SOX6: variants seen among roughly 807,000 people sequenced by gnomAD.
SOX6 encodes transcription factor SOX-6.
Under a neutral mutation model 97.8 loss-of-function variants are expected in SOX6, and 11 were observed. The ratio of observed to expected loss-of-function variants is 0.11; its 90% CI spans 0.07 to 0.19. The LOEUF (loss-of-function observed/expected upper bound fraction) is 0.19. Ranked by LOEUF, SOX6 falls within the 10% of genes least tolerant of loss-of-function variation. The pLI, the probability that SOX6 is intolerant of heterozygous loss-of-function variation, is 1.00. For synonymous variants in SOX6, 360 were observed against 371.4 expected, an observed-to-expected ratio of 0.97 and a Z score of 0.35; for missense variants, 810 against 1,039.5, an observed-to-expected ratio of 0.78 and a Z score of 3.04.
At chr11:16,606,048 G>A (rs1383707720) in intron 4 of SOX6, 1 of 151,720 alleles carries the variant, frequency 6.6e-6, no homozygotes, top group Non-Finnish European at 1.5e-5. Context: ...TTCTTTTAAG[G>A]TCGATTTACA....
intron 9 of SOX6, among the ~76,000 whole-genome samples, chr11:16,069,894 C>T (rs1009336782): frequency 6.6e-6 from 1 of 152,152 alleles, no homozygotes; most frequent in African/African-American, 2.4e-5. Flanking sequence ...CGGTGGCTCA[C>T]GCCTGTAATC....
intron 4 of SOX6, among the ~76,000 whole-genome samples, chr11:16,541,267 A>C (rs1041023709): frequency 6.6e-6 from 1 of 152,228 alleles, no homozygotes; most frequent in Non-Finnish European, 1.5e-5. Context: ...CTGGCTAGCT[A>C]TATGTAGAAA....
In SOX6 at chr11:16,273,848, A is replaced by G. The variant is rs563536252; in HGVS notation, c.446-39177T>C. 2.8e-4 allele frequency among the ~76,000 whole-genome samples: 42 copies of G among 152,174 alleles called. No homozygotes were observed. The South Asian group carries it at 8.3e-3, about 30-fold the overall frequency. ...CTGCCAACTAAAAGAAAAAGTGAAA[A>G]AAAGTCAGAAAAAGAGAAGCTGTGG... On this transcript the variant is annotated intron_variant, in intron 3 of 15. Coordinates refer to ENST00000683767, the MANE Select transcript of SOX6 (RefSeq NM_001367873.1).
chr11:16,518,836 T>C (rs911549386), intron 4 of SOX6, among the ~76,000 whole-genome samples: 2 of 152,212 alleles, frequency 1.3e-5, no homozygotes, highest in Non-Finnish European at 2.9e-5. Context: ...AATACAACAG[T>C]GATTTGTTCA....
At chr11:16,015,286 G>GC in intron 12 of SOX6, 1 of 553,778 alleles carries the variant, frequency 1.8e-6, no homozygotes, top group East Asian at 3.2e-5. Flanking sequence ...CAGGGAACCT[G>GC]CCAGAGCTTC....
intron 6 of SOX6, among the ~76,000 whole-genome samples, chr11:16,129,161 C>T (rs920743513): frequency 2.0e-5 from 3 of 151,864 alleles, no homozygotes; most frequent in African/African-American, 7.3e-5. Flanking sequence ...AGCCACCCCA[C>T]CTGTCCATCT....
At chr11:16,089,880 T>C (rs1019021807) in intron 9 of SOX6, among the ~76,000 whole-genome samples, 2 of 152,150 alleles carry the variant, frequency 1.3e-5, no homozygotes, top group African/African-American at 2.4e-5. Context: ...ACTTATTCCA[T>C]GGTTGGAAAC....
chr11:16,164,174 G>T (rs889067232), intron 6 of SOX6, among the ~76,000 whole-genome samples: 5 of 152,008 alleles, frequency 3.3e-5, no homozygotes, highest in Non-Finnish European at 7.4e-5. Context: ...TCACTATGTT[G>T]CCCAGGCTGG....
intron 4 of SOX6, among the ~76,000 whole-genome samples, chr11:16,487,318 C>T (rs7945898): frequency 0.22 from 33,470 of 151,950 alleles, 4,183 homozygotes; most frequent in East Asian, 0.51. Flanking sequence ...AAGTCTTCAG[C>T]AATTCAATTA....
chr11:16,564,635 A>G lies in SOX6; in HGVS notation n.609+47446T>C, dbSNP rs1847849659. Among the ~76,000 whole-genome samples, 6 of 152,166 alleles carry G rather than the reference A, an allele frequency of 3.9e-5. No homozygotes were observed. In the South Asian group the frequency reaches 1.2e-3, roughly 32 times the overall value. ...CATGTTCTCTGACCACAATGGGATTAAACTGGAAATCAGTAAGAAAGAAAG... is the reference window on the plus strand; with the variant it reads ...CATGTTCTCTGACCACAATGGGATTGAACTGGAAATCAGTAAGAAAGAAAG... On this transcript the variant is annotated intron_variant and non_coding_transcript_variant, in intron 4 of 5. Transcript: ENST00000524520.
At chr11:16,689,740 T>C (rs1453640207) in intron 3 of SOX6, among the ~76,000 whole-genome samples, 7 of 152,242 alleles carry the variant, frequency 4.6e-5, no homozygotes, top group African/African-American at 2.4e-5. Flanking sequence ...AAGTACATTC[T>C]AGATAATTTA....
chr11:15,993,745 GA>G (rs1469608210), intron 13 of SOX6, among the ~76,000 whole-genome samples: 1 of 152,168 alleles, frequency 6.6e-6, no homozygotes, highest in Non-Finnish European at 1.5e-5. Flanking sequence ...AGAGAAAATA[GA>G]AATTGCCAAG....
chr11:16,451,259 C>T (rs1057391228), intron 1 of SOX6, among the ~76,000 whole-genome samples: 1 of 152,062 alleles, frequency 6.6e-6, no homozygotes, highest in Non-Finnish European at 1.5e-5. Flanking sequence ...GAGGGGAGAA[C>T]TTTCTCTGAG....
rs146022326 is a variant in SOX6, at chr11:16,055,785, T to C, written c.1218A>G (p.Glu406=). 3,897 of 1,613,738 alleles carry C rather than the reference T, an allele frequency of 2.4e-3. 5 individuals are homozygous for C. The highest frequency in any genetic ancestry group is 2.8e-3 in the Admixed American group (170 of 59,916). ...GTVSPTGIKN[E]KRGTSPVTQV... ...GAGTTACAGGGCTGGTCCCTCTCTT[T>C]TCATTTTTTATCCCAGTAGGTGAGA... Residue 406 remains glutamate, a synonymous_variant, in exon 10 of 16, where the codon GAA becomes GAG. Transcript: ENST00000683767.
intron 10 of SOX6, among the ~76,000 whole-genome samples, chr11:16,053,177 T>C (rs550044278): frequency 1.3e-5 from 2 of 152,264 alleles, no homozygotes; most frequent in East Asian, 1.9e-4. Flanking sequence ...TTCCTTCCAA[T>C]AGTGAGCTGC....
intron 10 of SOX6, 68 bp from the exon 11 acceptor site, chr11:16,050,006 C>T: frequency 6.5e-7 from 1 of 1,537,308 alleles, no homozygotes; most frequent in Admixed American, 1.7e-5. Context: ...ACTTAGTAAG[C>T]CACAGTTATT....
intron 3 of SOX6, chr11:16,315,405 T>G (rs1855729819): frequency 6.6e-6 from 1 of 152,000 alleles, no homozygotes; most frequent in South Asian, 2.1e-4. Flanking sequence ...TGTAGAAAAA[T>G]AATCACAATA....
chr11:16,062,418 T>C (rs1234824394), intron 9 of SOX6, among the ~76,000 whole-genome samples: 1 of 151,728 alleles, frequency 6.6e-6, no homozygotes, highest in Non-Finnish European at 1.5e-5. Context: ...AATTCTCAGA[T>C]CATAGTTCAC....
chr11:16,691,780 A>G (rs1444733983), intron 3 of SOX6, among the ~76,000 whole-genome samples: 1 of 152,296 alleles, frequency 6.6e-6, no homozygotes, highest in African/African-American at 2.4e-5. Flanking sequence ...CTAGGCAACA[A>G]GAATAAAACC....
Sources: allele counts gnomAD v4.1 joint callset (sites outside exome capture counted in the v4.1 genomes callset), GRCh38; gene constraint gnomAD v4.1.1; transcripts MANE v1.5; gene names NCBI Gene and HGNC (gene_info 2026-07-23, HGNC 2026-07-21).